ZBTB20: variants seen among roughly 807,000 people sequenced by gnomAD.
ZBTB20 encodes the protein zinc finger and BTB domain-containing protein 20.
In ZBTB20, 9 loss-of-function variants were observed where a neutral mutation model predicts 56.9. The ratio of observed to expected loss-of-function variants is 0.16; its 90% CI spans 0.10 to 0.28. The LOEUF (loss-of-function observed/expected upper bound fraction) is 0.28, where lower values mean the gene tolerates loss of function less well. ZBTB20 is among the 10% of genes least tolerant of loss of function. The pLI is 1.00. For synonymous variants in ZBTB20, 417 were observed against 420.7 expected, an observed-to-expected ratio of 0.99 and a Z score of 0.11; for missense variants, 655 against 1,003.0, an observed-to-expected ratio of 0.65 and a Z score of 4.69.
At chr3:114,611,410 T>C (rs774012833) in intron 6 of ZBTB20, among the ~76,000 whole-genome samples, 11 of 152,184 alleles carry the variant, frequency 7.2e-5, no homozygotes, top group Non-Finnish European at 1.3e-4. Flanking sequence ...CCTGAGTTTA[T>C]GCTCAAGCTG....
chr3:114,515,116 T>C (rs933593129), intron 6 of ZBTB20, among the ~76,000 whole-genome samples: 1 of 152,194 alleles, frequency 6.6e-6, no homozygotes, highest in African/African-American at 2.4e-5. Flanking sequence ...CTTTCTGCAT[T>C]TTCTCTGAGA....
chr3:114,962,952 A>C (rs536022685), intron 3 of ZBTB20, among the ~76,000 whole-genome samples: 4 of 152,220 alleles, frequency 2.6e-5, no homozygotes, highest in African/African-American at 9.6e-5. Context: ...TCAGAAGGCA[A>C]GGGTACATTT....
intron 1 of ZBTB20, among the ~76,000 whole-genome samples, chr3:115,093,162 T>C (rs978704869): frequency 2.6e-5 from 4 of 152,160 alleles, no homozygotes; most frequent in Admixed American, 1.3e-4. Flanking sequence ...TTTTTGATAT[T>C]GATTAATACC....
intron 5 of ZBTB20, among the ~76,000 whole-genome samples, chr3:114,786,132 C>CT (rs906972472): frequency 8.6e-5 from 13 of 151,126 alleles, no homozygotes; most frequent in East Asian, 1.9e-4. Context: ...AACACCATTT[C>CT]TTTTTTTTTC....
chr3:115,137,416 T>G (rs938953621), intron 1 of ZBTB20, among the ~76,000 whole-genome samples: 1 of 152,114 alleles, frequency 6.6e-6, no homozygotes, highest in African/African-American at 2.4e-5. Flanking sequence ...CTATAATTCC[T>G]TTTAATTCAT....
In ZBTB20 at chr3:114,316,701, A is replaced by T; in HGVS notation, c.*22304T>A. On this transcript the variant is annotated 3_prime_UTR_variant, in exon 12 of 12. Transcript: ENST00000675478. ...TAAAGTGCATTTTCAATGCAGAAAA[A>T]CTGTAATCCACTGATTCCTTGGAAA... 2.6e-6 allele frequency: 1 copy of T among 386,318 alleles called. No homozygotes were observed. Among genetic ancestry groups the T allele is most frequent in the South Asian group, 2.1e-5 (1 of 47,038 alleles). 23.9% of individuals were successfully genotyped at this position (386,318 alleles called of 1,614,324 possible).
At chr3:114,761,666 C>T (rs1349421554) in intron 5 of ZBTB20, among the ~76,000 whole-genome samples, 1 of 151,816 alleles carries the variant, frequency 6.6e-6, no homozygotes, top group East Asian at 1.9e-4. Context: ...GAAATCCTGT[C>T]TCTAATAAAA....
At chr3:114,419,663 A>C (rs764255864) in intron 7 of ZBTB20, among the ~76,000 whole-genome samples, 1 of 152,108 alleles carries the variant, frequency 6.6e-6, no homozygotes, top group Non-Finnish European at 1.5e-5. Flanking sequence ...TTAATCACTA[A>C]GTTTTAGTCT....
intron 2 of ZBTB20, among the ~76,000 whole-genome samples, chr3:115,021,811 T>C (rs1253754029): frequency 6.6e-6 from 1 of 150,860 alleles, no homozygotes; most frequent in African/African-American, 2.4e-5. Context: ...CTAAATATTA[T>C]GTTAAAATAT....
intron 3 of ZBTB20, among the ~76,000 whole-genome samples, chr3:114,936,973 G>A (rs1277772608): frequency 1.3e-5 from 2 of 152,212 alleles, no homozygotes; most frequent in Admixed American, 6.5e-5. Context: ...GAAAGGCAAG[G>A]AAGCATTTGG....
At chr3:114,874,272 G>A (rs2076114447) in intron 4 of ZBTB20, 1 of 152,112 alleles carries the variant, frequency 6.6e-6, no homozygotes, top group South Asian at 2.1e-4. Flanking sequence ...AAACAATCCT[G>A]AAATGCTTTT....
At chr3:115,042,030 A>G (rs992303223) in intron 2 of ZBTB20, among the ~76,000 whole-genome samples, 4 of 152,084 alleles carry the variant, frequency 2.6e-5, no homozygotes, top group African/African-American at 4.8e-5. Flanking sequence ...TAAGAATCCA[A>G]TCCCTCAAGA....
At chr3:114,372,793 G>A (rs11920951) in intron 10 of ZBTB20, among the ~76,000 whole-genome samples, 3,878 of 152,120 alleles carry the variant, frequency 0.025, 170 homozygotes, top group African/African-American at 0.087. Flanking sequence ...GCAGTGAGCT[G>A]AGATTGCACT....
chr3:114,882,200 TA>T (rs1438927485), intron 4 of ZBTB20, among the ~76,000 whole-genome samples: 1 of 152,002 alleles, frequency 6.6e-6, no homozygotes, highest in Non-Finnish European at 1.5e-5. Flanking sequence ...AGTGAAATTT[TA>T]ATATGTTGTT....
intron 10 of ZBTB20, among the ~76,000 whole-genome samples, chr3:114,354,920 A>G (rs1352141588): frequency 2.6e-5 from 4 of 152,200 alleles, no homozygotes; most frequent in Admixed American, 2.0e-4. Context: ...ATATAAGAGA[A>G]AGTCGAGGCT....
At chr3:115,120,033 G>A (rs2084137830) in intron 1 of ZBTB20, among the ~76,000 whole-genome samples, 1 of 152,008 alleles carries the variant, frequency 6.6e-6, no homozygotes, top group Non-Finnish European at 1.5e-5. Context: ...GGGAGAGAGG[G>A]ATGAATAGGT....
chr3:114,878,203 A>G (rs1490820576), intron 4 of ZBTB20, among the ~76,000 whole-genome samples: 1 of 151,974 alleles, frequency 6.6e-6, no homozygotes, highest in East Asian at 1.9e-4. Context: ...TTCGTGTCTC[A>G]TTCCTAAAAC....
chr3:114,992,084 TTC>T (rs774480975), intron 2 of ZBTB20, among the ~76,000 whole-genome samples: 1 of 152,022 alleles, frequency 6.6e-6, no homozygotes, highest in African/African-American at 2.4e-5. Context: ...TTCTCTCTCT[TTC>T]TGTCTTTTTT....
chr3:115,035,617 C>T (rs2080883262), intron 2 of ZBTB20, among the ~76,000 whole-genome samples: 1 of 151,904 alleles, frequency 6.6e-6, no homozygotes, highest in Non-Finnish European at 1.5e-5. Context: ...CCATTTTACA[C>T]CTTTGATAGA....
Sources: gnomAD v4.1 joint callset for allele counts (sites outside exome capture counted in the v4.1 genomes callset) on GRCh38, gnomAD v4.1.1 for gene constraint, MANE v1.5 for transcripts, NCBI Gene and HGNC (gene_info 2026-07-23, HGNC 2026-07-21) for gene names.